The following RIPOR2 variants were observed in gnomAD, a reference collection of about 807,000 sequenced individuals.
RIPOR2 encodes the protein RHO family interacting cell polarization regulator 2.
Under a neutral mutation model 114.5 loss-of-function variants are expected in RIPOR2, and 39 were observed. The observed-to-expected ratio is 0.34, with a 90% CI of 0.26 to 0.44. The LOEUF (loss-of-function observed/expected upper bound fraction) is 0.44. RIPOR2 is among the 20% of genes least tolerant of loss of function. The probability of loss-of-function intolerance (pLI) is 1.00; values close to 1 mark genes in which losing one functional copy is unlikely to be tolerated. For synonymous variants in RIPOR2, 445 were observed against 484.4 expected, an observed-to-expected ratio of 0.92 and a Z score of 1.07; for missense variants, 1,007 against 1,255.1, an observed-to-expected ratio of 0.80 and a Z score of 2.99.
chr6:25,037,857 G>A lies in RIPOR2; in HGVS notation c.76+3994C>T, dbSNP rs1357130627. 3.3e-5 allele frequency among the ~76,000 whole-genome samples: 5 copies of A among 151,804 alleles called. No individual in the cohort carries two copies. The highest frequency in any genetic ancestry group is 2.6e-4 in the Admixed American group (4 of 15,250). On this transcript the variant is annotated intron_variant, in intron 1 of 13. Coordinates refer to the RIPOR2 transcript ENST00000510784. The surrounding 1 kb of genome is among the most constrained non-coding windows in gnomAD (Gnocchi z 4.5). Reference sequence around the variant, plus strand: ...TTACTAAGGGTTACAGGCATGCAGAGCTTATTAAGGATTTGTTCTCACCTG... The same window carrying A: ...TTACTAAGGGTTACAGGCATGCAGAACTTATTAAGGATTTGTTCTCACCTG...
intron 2 of RIPOR2, among the ~76,000 whole-genome samples, chr6:24,874,838 G>C (rs1206780008): frequency 1.3e-5 from 2 of 152,164 alleles, no homozygotes; most frequent in Non-Finnish European, 2.9e-5. Flanking sequence ...TTTTTTAAAA[G>C]CTTTATTTTT....
chr6:24,848,270 A>C, intron 11 of RIPOR2, 116 bp from the exon 12 acceptor site: 1 of 1,093,864 alleles, frequency 9.1e-7, no homozygotes, highest in Non-Finnish European at 1.3e-6. Flanking sequence ...GAGGTTCAGA[A>C]CTGGGCTGGT....
chr6:24,879,302 C>T (rs566241611), intron 1 of RIPOR2, among the ~76,000 whole-genome samples: 18 of 152,226 alleles, frequency 1.2e-4, no homozygotes, highest in East Asian at 3.9e-4. Context: ...GAGGAGATCG[C>T]GCCACTGTAC....
chr6:25,030,914 C>T (rs574721669), intron 1 of RIPOR2: 3 of 151,960 alleles, frequency 2.0e-5, no homozygotes, highest in African/African-American at 4.8e-5. Flanking sequence ...TCAGACTGGT[C>T]TCGAACTCCT....
At chr6:24,888,209 C>T (rs1274905898) in intron 1 of RIPOR2, among the ~76,000 whole-genome samples, 1 of 152,162 alleles carries the variant, frequency 6.6e-6, no homozygotes, top group African/African-American at 2.4e-5. Flanking sequence ...GAGAAAAATA[C>T]ACCGACCAGG....
intron 1 of RIPOR2, chr6:25,023,101 A>C: frequency 2.3e-6 from 1 of 444,408 alleles, no homozygotes. Context: ...GCTTCAGGGG[A>C]CCAGGGAACA....
chr6:24,817,960 C>T (rs1759307487), intron 20 of RIPOR2, among the ~76,000 whole-genome samples: 1 of 123,314 alleles, frequency 8.1e-6, no homozygotes, highest in African/African-American at 2.8e-5. Flanking sequence ...GATATACTTT[C>T]CTTTTCTCTC....
chr6:24,944,366 T>C (rs751555659), intron 1 of RIPOR2, among the ~76,000 whole-genome samples: 8 of 152,156 alleles, frequency 5.3e-5, no homozygotes, highest in African/African-American at 1.4e-4. Context: ...GTCATTAGTG[T>C]ACCACTAAGC....
chr6:24,865,122 A>AT (rs1764455502), intron 7 of RIPOR2, among the ~76,000 whole-genome samples, 179 bp downstream of exon 7: 11 of 152,166 alleles, frequency 7.2e-5, no homozygotes, highest in Admixed American at 7.2e-4. Context: ...TTATTCATTC[A>AT]TTTTAAGCAA....
chr6:24,878,712 G>A (rs968521902), intron 1 of RIPOR2, among the ~76,000 whole-genome samples: 1 of 151,990 alleles, frequency 6.6e-6, no homozygotes, highest in East Asian at 1.9e-4. Context: ...TGATTCTGAT[G>A]TTCACCAATG....
At chr6:24,966,381 C>T (rs79018268) in intron 1 of RIPOR2, among the ~76,000 whole-genome samples, 2,107 of 152,262 alleles carry the variant, frequency 0.014, 36 homozygotes, top group African/African-American at 0.039. Flanking sequence ...TGTGTTTCAT[C>T]ATTCTTATTA....
intron 1 of RIPOR2, among the ~76,000 whole-genome samples, chr6:24,912,581 A>G (rs1239537978): frequency 6.6e-6 from 1 of 152,032 alleles, no homozygotes; most frequent in Non-Finnish European, 1.5e-5. Flanking sequence ...ATGGTTCCAA[A>G]CATTTCTCTA....
intron 1 of RIPOR2, among the ~76,000 whole-genome samples, chr6:24,911,614 AAG>A (rs969884891): frequency 2.0e-5 from 3 of 152,114 alleles, no homozygotes; most frequent in African/African-American, 7.2e-5. Context: ...AGATGGCAGA[AAG>A]AGAATTGTTT....
intron 15 of RIPOR2, 133 bp from the exon 16 acceptor site, chr6:24,832,524 A>G (rs1760769087): frequency 1.3e-6 from 1 of 762,088 alleles, no homozygotes; most frequent in Non-Finnish European, 2.1e-6. Context: ...CAGCTCGATA[A>G]TGATCCTCAT....
rs34104173 is a variant in RIPOR2 at position 24,955,698 on chromosome 6, C to CAA, written c.77-79883_77-79882dup. Among the ~76,000 whole-genome samples, 201 of 134,908 alleles carry CAA rather than the reference C, an allele frequency of 1.5e-3. 1 individual carries two copies. The highest frequency in any genetic ancestry group is 3.9e-3 in the Middle Eastern group (1 of 254). The allele number at this position is 134,908 out of a possible 152,430, so 88.5% of individuals were successfully genotyped here. On this transcript the variant is annotated intron_variant, in intron 1 of 13. Transcript: ENST00000510784. Reference sequence around the variant, plus strand: ...CCGTCTAAGGTCCATGCTGCTCCTTCAAAAAAAAAAAAAAAAAAATTACAA... The same window carrying CAA: ...CCGTCTAAGGTCCATGCTGCTCCTTCAAAAAAAAAAAAAAAAAAAAATTACAA...
At chr6:24,841,548 T>C (rs545982470) in intron 13 of RIPOR2, among the ~76,000 whole-genome samples, 15 of 151,528 alleles carry the variant, frequency 9.9e-5, no homozygotes, top group African/African-American at 3.1e-4. Context: ...AAGGATAAGA[T>C]GGTCAAAAAG....
intron 1 of RIPOR2, among the ~76,000 whole-genome samples, chr6:24,990,162 G>A (rs1271249278): frequency 6.6e-6 from 1 of 152,136 alleles, no homozygotes; most frequent in African/African-American, 2.4e-5. Context: ...TCAAATGAAA[G>A]AGTTGGCTTA....
chr6:24,837,132 A>T (rs1022553430), intron 14 of RIPOR2, among the ~76,000 whole-genome samples: 5 of 151,830 alleles, frequency 3.3e-5, no homozygotes, highest in South Asian at 2.1e-4. Flanking sequence ...TATTTTTATT[A>T]TTTTTTTTGA....
intron 1 of RIPOR2, among the ~76,000 whole-genome samples, chr6:24,889,677 G>A (rs1004539679): frequency 2.6e-5 from 4 of 151,726 alleles, no homozygotes; most frequent in Non-Finnish European, 4.4e-5. Context: ...TTAAAACAAC[G>A]TATGTCCCTA....
Sources: gnomAD v4.1 joint callset for allele counts (sites outside exome capture counted in the v4.1 genomes callset) on GRCh38, gnomAD v4.1.1 for gene constraint, Gnocchi (gnomAD v3.1) non-coding constraint, MANE v1.5 for transcripts, NCBI Gene and HGNC (gene_info 2026-07-23, HGNC 2026-07-21) for gene names.